The following PLXNA4 variants were observed in gnomAD, a reference collection of about 807,000 sequenced individuals.
The protein encoded by PLXNA4 is plexin A4, also known as plexin-A4.
In PLXNA4, 44 loss-of-function variants were observed where a neutral mutation model predicts 191.8. That is an observed-to-expected ratio of 0.23 (90% CI 0.18 to 0.29). PLXNA4 has a LOEUF of 0.29. Among genes scored for constraint, PLXNA4 ranks in the 10% least tolerant of loss-of-function variants. PLXNA4 has a pLI of 1.00. For missense variants in PLXNA4, 1,800 were observed against 2,488.8 expected (o/e 0.72, Z 5.89); for synonymous variants, 1,082 against 1,009.5 (o/e 1.07, Z -1.36).
At chr7:132,161,275 G>A (rs1353091682) in intron 24 of PLXNA4, among the ~76,000 whole-genome samples, 1 of 152,250 alleles carries the variant, frequency 6.6e-6, no homozygotes, top group African/African-American at 2.4e-5. Flanking sequence ...ATTGCCGCAG[G>A]AATTCAGCGT....
At chr7:132,598,397 C>T (rs542676488) in intron 2 of PLXNA4, among the ~76,000 whole-genome samples, 10 of 152,354 alleles carry the variant, frequency 6.6e-5, no homozygotes, top group African/African-American at 2.4e-4. Context: ...GCGTGAGCCA[C>T]TGCGCCTGGC....
intron 3 of PLXNA4, among the ~76,000 whole-genome samples, chr7:132,396,139 A>G (rs1393026351): frequency 6.6e-6 from 1 of 152,198 alleles, no homozygotes; most frequent in Non-Finnish European, 1.5e-5. Context: ...GAAAGCCTTC[A>G]GCCAGCCCCC....
At chr7:132,428,374 G>T (rs1252231233) in intron 3 of PLXNA4, among the ~76,000 whole-genome samples, 1 of 152,214 alleles carries the variant, frequency 6.6e-6, no homozygotes, top group Non-Finnish European at 1.5e-5. Flanking sequence ...GATGGCTCAA[G>T]AGTTGCAATT....
At chr7:132,178,548 G>A (rs745512826) in intron 20 of PLXNA4, among the ~76,000 whole-genome samples, 26 of 152,256 alleles carry the variant, frequency 1.7e-4, no homozygotes, top group Admixed American at 3.3e-4. Context: ...CCTCTCTGGT[G>A]TTGCCAGGGT....
intron 4 of PLXNA4, among the ~76,000 whole-genome samples, chr7:132,252,024 C>T (rs1033954135): frequency 3.9e-5 from 6 of 152,266 alleles, no homozygotes; most frequent in East Asian, 3.9e-4. Context: ...GAGGCAGAGA[C>T]GACAGATGAC....
intron 3 of PLXNA4, among the ~76,000 whole-genome samples, chr7:132,302,641 G>C (rs959174206): frequency 1.3e-5 from 2 of 150,882 alleles, no homozygotes; most frequent in Non-Finnish European, 3.0e-5. Context: ...CATCATCTTG[G>C]TCAAGTTCAC....
chr7:132,319,865 T>C (rs1563032918), intron 3 of PLXNA4, among the ~76,000 whole-genome samples: 1 of 152,204 alleles, frequency 6.6e-6, no homozygotes, highest in East Asian at 1.9e-4. Context: ...TCCTATGCTC[T>C]CCACTTGCTT....
chr7:132,146,017 T>C (rs1297536781), intron 28 of PLXNA4, among the ~76,000 whole-genome samples: 2 of 135,152 alleles, frequency 1.5e-5, no homozygotes, highest in African/African-American at 5.7e-5. Flanking sequence ...GAGGAGGAGG[T>C]TGCAGTGAGC....
intron 28 of PLXNA4, among the ~76,000 whole-genome samples, chr7:132,146,291 T>C (rs1795430968): frequency 6.6e-6 from 1 of 152,106 alleles, no homozygotes; most frequent in Non-Finnish European, 1.5e-5. Flanking sequence ...TCAGATTGCA[T>C]GCCAACACTG....
intron 3 of PLXNA4, among the ~76,000 whole-genome samples, chr7:132,486,336 G>A (rs1797556181): frequency 6.6e-6 from 1 of 152,248 alleles, no homozygotes; most frequent in African/African-American, 2.4e-5. Flanking sequence ...GGAAAGGGGA[G>A]TGGTGCTTAG....
intron 3 of PLXNA4, among the ~76,000 whole-genome samples, chr7:132,337,746 A>G (rs1293227473): frequency 6.6e-6 from 1 of 152,202 alleles, no homozygotes; most frequent in East Asian, 1.9e-4. Flanking sequence ...GGGCATAATG[A>G]GCTTAAGGGA....
At chr7:132,448,618 C>T (rs1013537824) in intron 3 of PLXNA4, among the ~76,000 whole-genome samples, 4 of 152,194 alleles carry the variant, frequency 2.6e-5, no homozygotes, top group Admixed American at 6.5e-5. Flanking sequence ...TTCCTTCCTT[C>T]CTAACTAGGA....
intron 25 of PLXNA4, among the ~76,000 whole-genome samples, chr7:132,149,952 G>A (rs981676881): frequency 3.3e-5 from 5 of 152,220 alleles, no homozygotes; most frequent in African/African-American, 1.2e-4. Context: ...CATGCCCTTT[G>A]GAATAGCAGA....
At chr7:132,503,358 G>A (rs533000541) in intron 2 of PLXNA4, among the ~76,000 whole-genome samples, 3 of 152,190 alleles carry the variant, frequency 2.0e-5, no homozygotes, top group African/African-American at 7.2e-5. Context: ...TAGTTCGTTA[G>A]TGTTGGATGA....
At chr7:132,177,060 T>A (rs931892837) in intron 20 of PLXNA4, among the ~76,000 whole-genome samples, 3 of 151,998 alleles carry the variant, frequency 2.0e-5, no homozygotes, top group Non-Finnish European at 4.4e-5. Context: ...TGTACGAATG[T>A]GAGTACATGA....
chr7:132,562,012 ACTC>A (rs1206882910), intron 1 of PLXNA4, among the ~76,000 whole-genome samples: 52 of 32,194 alleles, frequency 1.6e-3, no homozygotes, highest in East Asian at 3.1e-3. Context: ...TCCTCCTCCT[ACTC>A]CTCCTCCTCC....
At chr7:132,271,765 T>G (rs73157245) in intron 4 of PLXNA4, among the ~76,000 whole-genome samples, 12,885 of 152,118 alleles carry the variant, frequency 0.085, 722 homozygotes, top group African/African-American at 0.15. Flanking sequence ...GCTACCTTTT[T>G]AAAAGAGTAG....
At chr7:132,192,099 C>T (rs941515819) in intron 14 of PLXNA4, among the ~76,000 whole-genome samples, 3 of 152,074 alleles carry the variant, frequency 2.0e-5, no homozygotes, top group Middle Eastern at 3.2e-3. Context: ...CCTCGGAGAG[C>T]AGAGGTGGAG....
chr7:132,177,139 CTATGTGTGGGCATG>C (rs1032247705), intron 20 of PLXNA4, among the ~76,000 whole-genome samples: 2 of 148,716 alleles, frequency 1.3e-5, no homozygotes, highest in Non-Finnish European at 3.0e-5. Flanking sequence ...GAGCATGTCA[CTATGTGTGGGCATG>C]TATGTGTGAG....
Sources: gnomAD v4.1 joint callset for allele counts (sites outside exome capture counted in the v4.1 genomes callset) on GRCh38, gnomAD v4.1.1 for gene constraint, MANE v1.5 for transcripts, NCBI Gene and HGNC (gene_info 2026-07-23, HGNC 2026-07-21) for gene names.